Variants in RRN3 observed in about 807,000 individuals in gnomAD.
RRN3 encodes the protein RNA polymerase I transcription factor RRN3.
In RRN3, 38 loss-of-function variants were observed where a neutral mutation model predicts 82.3. The ratio of observed to expected loss-of-function variants is 0.46; its 90% confidence interval spans 0.36 to 0.61. The LOEUF (loss-of-function observed/expected upper bound fraction) is 0.61, where lower values mean the gene tolerates loss of function less well. Ranked by LOEUF, RRN3 falls within the 20% of genes least tolerant of loss-of-function variation. The pLI, the probability that RRN3 is intolerant of heterozygous loss-of-function variation, is 0.00. For synonymous variants in RRN3, 284 were observed against 284.3 expected (o/e 1.00, Z 0.01); for missense variants, 726 against 793.1 (o/e 0.92, Z 1.02).
chr16:15,090,632 T>C (rs1365215937), intron 3 of RRN3, among the ~76,000 whole-genome samples: 1 of 152,190 alleles, frequency 6.6e-6, no homozygotes, highest in Non-Finnish European at 1.5e-5. Flanking sequence ...TAAATCTCTA[T>C]TGTTTTCTTG....
At position 15,061,669 on chromosome 16, in the gene RRN3, C is replaced by T. The variant is rs1210923195; in HGVS notation, c.*75G>A. ...GTTCAATGCCATCAATGCCCAATGG[C>T]ACAAGCTGGGTGCTGAGGGCATGAC... On this transcript the variant is annotated 3_prime_UTR_variant, in exon 18 of 18. Coordinates refer to ENST00000198767, the MANE Select transcript of RRN3 (RefSeq NM_018427.5). 1 of 1,441,100 alleles carries T rather than the reference C, an allele frequency of 6.9e-7. No individual in the cohort carries two copies. Among genetic ancestry groups the T allele is most frequent in the East Asian group, 2.3e-5 (1 of 43,310 alleles). The allele number at this position is 1,441,100 out of a possible 1,614,324, so 89.3% of individuals were successfully genotyped here.
rs1370780768 is a variant in RRN3 at position 15,061,425 on chromosome 16, A to G, written c.*319T>C. 2 of 307,018 alleles carry G rather than the reference A, an allele frequency of 6.5e-6. No homozygotes were observed. The highest frequency in any genetic ancestry group is 4.3e-5 in the African/African-American group (2 of 46,740). The allele number at this position is 307,018 out of a possible 1,614,324, so 19.0% of individuals were successfully genotyped here. A position where few individuals can be genotyped will look rare whatever the true frequency, so the allele number is the denominator to read the frequency against. ...AAACAGTCTGCTGCCTATATTAGAA[A>G]TTACCCAGTAATTGTGTCAAAAAGC... On this transcript the variant is annotated 3_prime_UTR_variant, in exon 18 of 18. Coordinates refer to ENST00000198767, the MANE Select transcript of RRN3 (RefSeq NM_018427.5).
chr16:15,078,971 C>T (rs1052318202), intron 9 of RRN3, among the ~76,000 whole-genome samples: 1 of 151,984 alleles, frequency 6.6e-6, no homozygotes, highest in East Asian at 1.9e-4. Context: ...ACCACCATAC[C>T]CGGCCAATTT....
At chr16:15,075,506 G>C (rs1425085943) in intron 10 of RRN3, among the ~76,000 whole-genome samples, 1 of 151,742 alleles carries the variant, frequency 6.6e-6, no homozygotes, top group Non-Finnish European at 1.5e-5. Context: ...AGGAGGTCGA[G>C]GCTGGAGTGG....
chr16:15,071,200 T>G lies in RRN3; in HGVS notation c.1180A>C (p.Ser394Arg). The G allele has an allele frequency of 6.2e-7, 1 of 1,611,216 alleles. No homozygotes were observed. The highest frequency in any genetic ancestry group is 8.5e-7 in the Non-Finnish European group (1 of 1,179,532). Residue 394 changes from serine (S) to arginine (R), a missense_variant, in exon 13 of 18, where the codon AGT becomes CGT. By Grantham distance (110) the Ser-to-Arg change is moderately radical. Around this residue, in one of 4 missense-constraint regions of RRN3, gnomAD observed 344 missense variants for 394.5 expected, o/e 0.87. Transcript: ENST00000198767. Reference sequence around the variant, plus strand: ...GCCTGCCTGATGATGGCAGGATTACTTGGGTCCTGCAATTTTTTCCAGAGA... The same window carrying G: ...GCCTGCCTGATGATGGCAGGATTACGTGGGTCCTGCAATTTTTTCCAGAGA... ...EHLWKKLQDP[S>R]NPAIIRQAAG...
Position 15,060,096 on chromosome 16 carries a change from A to AT in RRN3, c.*1647dup. ...TCCAGATTAACCATGTCATTGTTTC[A>AT]TTTTCACCATGGATTTTTTTTCACA... On this transcript the variant is annotated 3_prime_UTR_variant, in exon 18 of 18. Transcript: ENST00000198767. 3.0e-6 allele frequency: 1 copy of AT among 332,544 alleles called. No individual in the cohort carries two copies. The highest frequency in any genetic ancestry group is 1.0e-4 in the East Asian group (1 of 9,892). The allele number at this position is 332,544 out of a possible 1,614,324, so 20.6% of individuals were successfully genotyped here.
In RRN3 at chr16:15,092,530, T is replaced by G. The variant is rs767156204; in HGVS notation, c.174A>C (p.Glu58Asp). The change falls in exon 2 of 18, where the codon GAA (glutamate) becomes GAC (aspartate). Residue 58 changes from glutamate to aspartate, a missense_variant. Around this residue, in one of 4 missense-constraint regions of RRN3, gnomAD observed 135 missense variants for 87.4 expected, o/e 1.55. Coordinates refer to ENST00000198767, the MANE Select transcript of RRN3 (RefSeq NM_018427.5). ...TTACCTTTTTGTACTTCAGCAAGACTTCTGTCACAGTTCCACCAAACCGAA... is the reference window on the plus strand; with the variant it reads ...TTACCTTTTTGTACTTCAGCAAGACGTCTGTCACAGTTCCACCAAACCGAA... ...KTVRFGGTVTEVLLKYKKGET... is the reference protein window; with the variant it reads ...KTVRFGGTVTDVLLKYKKGET... 1.2e-6 allele frequency: 2 copies of G among 1,612,814 alleles called. No individual in the cohort carries two copies. The highest frequency in any genetic ancestry group is 1.1e-5 in the South Asian group (1 of 91,046).
intron 6 of RRN3, 26 bp from the exon 7 acceptor site, chr16:15,084,731 G>A (rs750009133): frequency 1.3e-6 from 2 of 1,583,848 alleles, no homozygotes; most frequent in Non-Finnish European, 1.7e-6. Context: ...TTCAGAGTAT[G>A]AGCATCAAAA....
rs2941256 is a variant in RRN3 at position 15,073,034 on chromosome 16, T to C, written c.1044A>G (p.Ile348Met). The C allele has an allele frequency of 0.1, 161,543 of 1,612,860 alleles. 9,043 individuals carry two copies. The highest frequency in any genetic ancestry group is 0.11 in the Non-Finnish European group (132,186 of 1,179,540). ...GCAACAGGAGTTTGTCAAAGATGTT[T>C]ATCAGGTCGCGATATAGATCCTTTG... is the stretch of plus-strand genomic sequence containing the variant. ...GKTKDLYRDLINIFDKLLLPT... is the reference protein window; with the variant it reads ...GKTKDLYRDLMNIFDKLLLPT... Residue 348 changes from isoleucine to methionine, a missense_variant, in exon 12 of 18, where the codon ATA (isoleucine) becomes ATG (methionine). Physicochemically the swap from Ile to Met is conservative, Grantham distance 10. Transcript: ENST00000198767.
chr16:15,063,325 C>T (rs761076413), intron 16 of RRN3, 42 bp from the exon 17 acceptor site: 23 of 1,454,562 alleles, frequency 1.6e-5, no homozygotes, highest in Middle Eastern at 1.7e-4. Flanking sequence ...TTAAATACTT[C>T]GGCAGAAGTC....
chr16:15,081,045 T>C (rs1255404138), intron 8 of RRN3, among the ~76,000 whole-genome samples: 2 of 152,220 alleles, frequency 1.3e-5, no homozygotes, highest in African/African-American at 2.4e-5. Flanking sequence ...GGTCCAATCA[T>C]GTTGTAACAT....
Position 15,091,048 on chromosome 16 carries a change from C to T in RRN3, c.252+267G>A, listed in dbSNP as rs573216096. Reference sequence around the variant, plus strand: ...CTTGGTTCTGGGAGGCTGTCCTGTGCACTGTGAGATGTTTAGCAGCATCTC... The same window carrying T: ...CTTGGTTCTGGGAGGCTGTCCTGTGTACTGTGAGATGTTTAGCAGCATCTC... On this transcript the variant is annotated intron_variant, in intron 3 of 17. Coordinates refer to ENST00000198767, the MANE Select transcript of RRN3 (RefSeq NM_018427.5). Among the ~76,000 whole-genome samples the T allele has an allele frequency of 2.6e-5, 4 of 152,282 alleles. No homozygotes were observed. In the South Asian group the frequency reaches 6.2e-4, roughly 24 times the overall value.
chr16:15,065,250 A>G lies in RRN3; in HGVS notation c.1675T>C (p.Phe559Leu). 6.2e-7 allele frequency: 1 copy of G among 1,613,840 alleles called. No homozygotes were observed. Among genetic ancestry groups the G allele is most frequent in the Non-Finnish European group, 8.5e-7 (1 of 1,179,784 alleles). The change falls in exon 16 of 18, where the codon TTC (phenylalanine) becomes CTC (leucine). Residue 559 changes from phenylalanine to leucine, a missense_variant. By Grantham distance (22) the Phe-to-Leu change is conservative. This residue lies in a region of RRN3 where 166 missense variants were observed against 154.8 expected (regional missense o/e 1.07). Coordinates refer to ENST00000198767, the MANE Select transcript of RRN3 (RefSeq NM_018427.5). ...VQICTNPLDTFFPFDPCVLKR... is the reference protein window; with the variant it reads ...VQICTNPLDTLFPFDPCVLKR... ...AGCACACAGGGATCAAAGGGGAAGA[A>G]GGTGTCCAGCGGGTTTGTGCAGATC...
chr16:15,092,511 T>C lies in RRN3; in HGVS notation c.193A>G (p.Lys65Glu). ...TVTEVLLKYKKGETNDFELLK... is the reference protein window; with the variant it reads ...TVTEVLLKYKEGETNDFELLK... ...CCTCACACATTATCTCCCCTTACCT[T>C]TTTGTACTTCAGCAAGACTTCTGTC... The change falls in exon 2 of 18, where the codon AAG becomes GAG. Residue 65 changes from lysine to glutamate, a missense_variant and splice_region_variant. Around this residue, in one of 4 missense-constraint regions of RRN3, gnomAD observed 135 missense variants for 87.4 expected, o/e 1.55. Coordinates refer to ENST00000198767, the MANE Select transcript of RRN3 (RefSeq NM_018427.5). 6.2e-7 allele frequency: 1 copy of C among 1,604,968 alleles called. No homozygotes were observed. Among genetic ancestry groups the C allele is most frequent in the Non-Finnish European group, 8.5e-7 (1 of 1,171,674 alleles).
At position 15,086,129 on chromosome 16, in the gene RRN3, G is replaced by T; in HGVS notation, c.472C>A (p.Pro158Thr). The T allele has an allele frequency of 1.2e-6, 2 of 1,605,202 alleles. No individual in the cohort carries two copies. Among genetic ancestry groups the T allele is most frequent in the Non-Finnish European group, 1.7e-6 (2 of 1,176,606 alleles). ...LSMIASHFVP[P>T]RVIIKEGDVD... ...AATAAAATTCCAAGCAATGACTTAC[G>T]AGGCACAAAATGGGAAGCAATCATG... is the stretch of plus-strand genomic sequence containing the variant. The change falls in exon 5 of 18, where the codon CCC becomes ACC. Residue 158 changes from proline (P) to threonine (T), a missense_variant and splice_region_variant. Transcript: ENST00000198767.
rs1356022771 is a variant in RRN3 at position 15,070,424 on chromosome 16, G to A, written c.1260-170C>T. 6.6e-5 allele frequency among the ~76,000 whole-genome samples: 10 copies of A among 151,606 alleles called. No homozygotes were observed. The South Asian group carries it at 8.4e-4, about 13-fold the overall frequency. ...GCAAAGAAAGGAAGGATAAGGATGG[G>A]TGCGTAGGAAGACAACCTTCCAATT... On this transcript the variant is annotated intron_variant, in intron 13 of 17. Transcript: ENST00000198767.
At chr16:15,094,289 C>T (rs1218238924), upstream of RRN3, 1 of 1,399,744 alleles carries the variant, frequency 7.1e-7, no homozygotes, top group East Asian at 2.5e-5. Flanking sequence ...CTCCTTCCAG[C>T]CACAGCCTCT....
At chr16:15,062,035 C>A in intron 17 of RRN3, 130 bp from the exon 18 acceptor site, 1 of 944,496 alleles carries the variant, frequency 1.1e-6, no homozygotes, top group Non-Finnish European at 1.6e-6. Flanking sequence ...CAAAAGAAAG[C>A]CAGTGTAGTG....
In RRN3 at chr16:15,073,100, T is replaced by C. The variant is rs767380006; in HGVS notation, c.998-20A>G. The C allele has an allele frequency of 6.2e-7, 1 of 1,602,058 alleles. No individual in the cohort carries two copies. Among genetic ancestry groups the C allele is most frequent in the Non-Finnish European group, 8.5e-7 (1 of 1,177,206 alleles). On this transcript the variant is annotated intron_variant, in intron 11 of 17. Coordinates refer to ENST00000198767, the MANE Select transcript of RRN3 (RefSeq NM_018427.5). ...CCTTACCTATGGAGAAAATCTGGCATCTCAGTTTTTATAAAGACATATTTT... is the reference window on the plus strand; with the variant it reads ...CCTTACCTATGGAGAAAATCTGGCACCTCAGTTTTTATAAAGACATATTTT...
Sources: gnomAD v4.1 joint callset for allele counts (sites outside exome capture counted in the v4.1 genomes callset) on GRCh38, gnomAD v4.1.1 for gene constraint, gnomAD v4.1.1 regional missense constraint, MANE v1.5 for transcripts, NCBI Gene and HGNC (gene_info 2026-07-23, HGNC 2026-07-21) for gene names.